The following INSR variants were observed in gnomAD, a reference collection of about 807,000 sequenced individuals.
INSR encodes the protein IR.
A neutral mutation model predicts 142.6 loss-of-function variants in INSR; 67 were observed. The observed-to-expected ratio is 0.47, with a 90% CI of 0.39 to 0.58. The LOEUF (loss-of-function observed/expected upper bound fraction) is 0.58. INSR is among the 20% of genes least tolerant of loss of function. INSR has a pLI of 0.00. For missense variants in INSR, 1,248 were observed against 1,833.2 expected (o/e 0.68, Z 5.83); for synonymous variants, 756 against 743.1 (o/e 1.02, Z -0.28).
chr19:7,273,171 T>C (rs1008214730), intron 1 of INSR, among the ~76,000 whole-genome samples: 1 of 152,238 alleles, frequency 6.6e-6, no homozygotes, highest in African/African-American at 2.4e-5. Flanking sequence ...AAAGTTGTTA[T>C]GAGTAAAGAT....
rs1055753040 is a variant in INSR at position 7,114,195 on chromosome 19, G to A, written c.*2861C>T. The A allele has an allele frequency of 3.9e-5, 6 of 152,184 alleles. No homozygotes were observed. Among genetic ancestry groups the A allele is most frequent in the African/African-American group, 1.4e-4 (6 of 41,438 alleles). 9.4% of individuals were successfully genotyped at this position (152,184 alleles called of 1,614,324 possible). A position where few individuals can be genotyped will look rare whatever the true frequency, so the allele number is the denominator to read the frequency against. ...GTAAGGTGCATCACCAGCCTGAAAG[G>A]AGTGGGCATAAACCATCAGGGAGCC... On this transcript the variant is annotated 3_prime_UTR_variant, in exon 22 of 22. Coordinates refer to ENST00000302850, the MANE Select transcript of INSR (RefSeq NM_000208.4).
chr19:7,172,189 G>T, intron 5 of INSR, 101 bp downstream of exon 5: 2 of 1,271,448 alleles, frequency 1.6e-6, no homozygotes, highest in Non-Finnish European at 1.1e-6. Context: ...TGGGATTACA[G>T]GCATCAGCCA....
chr19:7,149,872 G>A (rs1330266723), intron 11 of INSR, among the ~76,000 whole-genome samples: 1 of 150,278 alleles, frequency 6.7e-6, no homozygotes, highest in African/African-American at 2.4e-5. Context: ...CGGACGGAGG[G>A]AGAGAGGGAG....
chr19:7,262,118 G>A (rs1030559837), intron 2 of INSR, among the ~76,000 whole-genome samples: 2 of 152,154 alleles, frequency 1.3e-5, no homozygotes, highest in African/African-American at 4.8e-5. Context: ...CCTAAGACAG[G>A]GGAGTATCCT....
At chr19:7,171,241 T>G (rs146546225) in intron 5 of INSR, among the ~76,000 whole-genome samples, 38 of 152,162 alleles carry the variant, frequency 2.5e-4, no homozygotes, top group Middle Eastern at 6.8e-3. Context: ...TTTGTTTGTT[T>G]TATTGAGATG....
intron 9 of INSR, among the ~76,000 whole-genome samples, chr19:7,160,734 A>G (rs1309377053): frequency 6.6e-6 from 1 of 152,006 alleles, no homozygotes; most frequent in African/African-American, 2.4e-5. Flanking sequence ...GCGGTGGCTC[A>G]CGCCTGTAAT....
chr19:7,197,895 G>A (rs1183394693), intron 2 of INSR, among the ~76,000 whole-genome samples: 1 of 128,632 alleles, frequency 7.8e-6, no homozygotes, highest in East Asian at 2.4e-4. Context: ...TGCAGCCCCA[G>A]GATTGGTCGG....
chr19:7,120,429 G>A (rs1167433939), intron 20 of INSR, among the ~76,000 whole-genome samples, 191 bp downstream of exon 20: 4 of 152,140 alleles, frequency 2.6e-5, no homozygotes, highest in Admixed American at 6.5e-5. Flanking sequence ...TCAGATTTTC[G>A]GGGTTCACAA....
intron 14 of INSR, 60 bp from the exon 15 acceptor site, chr19:7,129,014 CA>C: frequency 7.4e-7 from 1 of 1,354,274 alleles, no homozygotes; most frequent in Non-Finnish European, 1.1e-6. Flanking sequence ...AAGTTCACAT[CA>C]AAAATCACAT....
Position 7,216,655 on chromosome 19 carries a change from C to T in INSR, c.653-32018G>A, listed in dbSNP as rs966750078. ...AGCAAGGCCATCAGGATGCTGGGGCCCCGTATCCACCTCTCACCAAGGCCC... is the reference window on the plus strand; with the variant it reads ...AGCAAGGCCATCAGGATGCTGGGGCTCCGTATCCACCTCTCACCAAGGCCC... On this transcript the variant is annotated intron_variant, in intron 2 of 21. Coordinates refer to ENST00000302850, the MANE Select transcript of INSR (RefSeq NM_000208.4). This position sits in a 1 kb window ranked among gnomAD's most constrained non-coding sequence, Gnocchi z 4.2. 6.6e-6 allele frequency among the ~76,000 whole-genome samples: 1 copy of T among 152,146 alleles called. No individual in the cohort carries two copies. The highest frequency in any genetic ancestry group is 1.5e-5 in the Non-Finnish European group (1 of 68,022).
intron 2 of INSR, among the ~76,000 whole-genome samples, chr19:7,204,453 C>T (rs983635541): frequency 2.6e-5 from 4 of 152,150 alleles, no homozygotes; most frequent in Admixed American, 1.3e-4. Context: ...CGGGGGGCCA[C>T]TCCCCGTGTA....
intron 17 of INSR, among the ~76,000 whole-genome samples, chr19:7,124,048 C>T (rs545441762): frequency 4.0e-5 from 6 of 151,154 alleles, no homozygotes; most frequent in South Asian, 2.1e-4. Context: ...AGTGAAACCC[C>T]GTCTCTACTG....
chr19:7,114,519 A>G lies in INSR; in HGVS notation c.*2537T>C, dbSNP rs1004984052. 6.6e-6 allele frequency: 1 copy of G among 152,294 alleles called. No individual in the cohort carries two copies. Among genetic ancestry groups the G allele is most frequent in the Admixed American group, 6.6e-5 (1 of 15,236 alleles). 9.4% of individuals were successfully genotyped at this position (152,294 alleles called of 1,614,324 possible). A position where few individuals can be genotyped will look rare whatever the true frequency, so the allele number is the denominator to read the frequency against. On this transcript the variant is annotated 3_prime_UTR_variant, in exon 22 of 22. Transcript: ENST00000302850. ...TAAAGGCCATACCTTCTCCATCCCA[A>G]CTCCCTCCCTCAAAATTCTTACTGG...
chr19:7,163,925 T>TAAAAAAAAA (rs748862314), intron 8 of INSR, among the ~76,000 whole-genome samples: 36 of 44,594 alleles, frequency 8.1e-4, no homozygotes, highest in African/African-American at 3.6e-3. Flanking sequence ...CTATCTCTAC[T>TAAAAAAAAA]AAAAAAAAAA....
At chr19:7,232,778 C>A (rs1188868803) in intron 2 of INSR, among the ~76,000 whole-genome samples, 1 of 151,838 alleles carries the variant, frequency 6.6e-6, no homozygotes, top group African/African-American at 2.4e-5. Context: ...CCACTGCACT[C>A]CAGCCTGGGC....
intron 3 of INSR, among the ~76,000 whole-genome samples, chr19:7,179,552 T>C (rs970998222): frequency 1.3e-5 from 2 of 152,314 alleles, no homozygotes; most frequent in African/African-American, 4.8e-5. Context: ...AAGCCTGGAG[T>C]TGGCAAACAG....
chr19:7,217,316 C>T (rs1015115035), intron 2 of INSR, among the ~76,000 whole-genome samples: 5 of 152,068 alleles, frequency 3.3e-5, no homozygotes, highest in Non-Finnish European at 7.4e-5. Flanking sequence ...AGGATCCCTG[C>T]GATGGCATTT....
chr19:7,270,022 C>T (rs1353058568), intron 1 of INSR, among the ~76,000 whole-genome samples: 1 of 151,940 alleles, frequency 6.6e-6, no homozygotes, highest in Non-Finnish European at 1.5e-5. Flanking sequence ...AAGTGCAGTG[C>T]CGTGATCTTG....
chr19:7,145,856 A>G (rs1973172180), intron 11 of INSR, among the ~76,000 whole-genome samples: 1 of 152,230 alleles, frequency 6.6e-6, no homozygotes, highest in Non-Finnish European at 1.5e-5. Flanking sequence ...AGTAATGATG[A>G]GATGGGGCTT....
Sources: gnomAD v4.1 joint callset for allele counts (sites outside exome capture counted in the v4.1 genomes callset) on GRCh38, gnomAD v4.1.1 for gene constraint, Gnocchi (gnomAD v3.1) non-coding constraint, MANE v1.5 for transcripts, NCBI Gene and HGNC (gene_info 2026-07-23, HGNC 2026-07-21) for gene names.